The following OPCML variants were observed in gnomAD, a reference collection of about 807,000 sequenced individuals.
OPCML encodes the protein opioid binding protein/cell adhesion molecule like.
A neutral mutation model predicts 37.8 loss-of-function variants in OPCML; 13 were observed. That is an observed-to-expected ratio of 0.34 (90% CI 0.22 to 0.55). The LOEUF (loss-of-function observed/expected upper bound fraction) is 0.55. Among genes scored for constraint, OPCML ranks in the 20% least tolerant of loss-of-function variants. OPCML has a pLI of 0.91. For missense variants in OPCML, 341 were observed against 435.6 expected (o/e 0.78, Z 1.93); for synonymous variants, 176 against 168.8 (o/e 1.04, Z -0.33).
intron 2 of OPCML, among the ~76,000 whole-genome samples, chr11:132,826,895 T>A (rs1940380647): frequency 6.6e-6 from 1 of 152,198 alleles, no homozygotes. Flanking sequence ...AAGTAGCCTT[T>A]ACCAGGAGCC....
chr11:132,687,039 T>C (rs1412285626), intron 2 of OPCML, among the ~76,000 whole-genome samples: 1 of 151,884 alleles, frequency 6.6e-6, no homozygotes, highest in Non-Finnish European at 1.5e-5. Flanking sequence ...CACAATATTG[T>C]AGGGTCATTT....
chr11:133,075,759 G>A (rs1469148545), intron 1 of OPCML, among the ~76,000 whole-genome samples: 1 of 152,240 alleles, frequency 6.6e-6, no homozygotes, highest in Non-Finnish European at 1.5e-5. Flanking sequence ...AACTTGGGGA[G>A]CTGCACACAG....
rs117530636 is a variant in OPCML at position 133,094,125 on chromosome 11, G to A, written c.62-151115C>T. Among the ~76,000 whole-genome samples, 526 of 152,138 alleles carry A rather than the reference G, an allele frequency of 3.5e-3. 4 individuals are homozygous for A. The highest frequency in any genetic ancestry group is 8.1e-3 in the South Asian group (39 of 4,814). ...TATTTCAGTAAAAAAAAATATGCAG[G>A]TGCAGCTATAATTATGTACCTGTAC... On this transcript the variant is annotated intron_variant, in intron 1 of 7. Coordinates refer to ENST00000524381, the MANE Select transcript of OPCML (RefSeq NM_001012393.5).
At chr11:132,965,319 A>T (rs1946190271) in intron 1 of OPCML, among the ~76,000 whole-genome samples, 3 of 152,076 alleles carry the variant, frequency 2.0e-5, no homozygotes, top group Admixed American at 2.0e-4. Flanking sequence ...CAAATGTTTG[A>T]TAGAAATCAC....
intron 2 of OPCML, among the ~76,000 whole-genome samples, chr11:132,879,896 G>A (rs942540202): frequency 2.0e-5 from 3 of 152,110 alleles, no homozygotes; most frequent in Non-Finnish European, 4.4e-5. Context: ...ATGGTGACTT[G>A]GGCATTTGGG....
intron 3 of OPCML, among the ~76,000 whole-genome samples, chr11:132,536,312 AG>A (rs1164590037): frequency 6.6e-6 from 1 of 152,198 alleles, no homozygotes; most frequent in Non-Finnish European, 1.5e-5. Flanking sequence ...AGTTAGAAAA[AG>A]AAATCTTGGG....
At chr11:132,777,551 C>A (rs2136140453) in intron 2 of OPCML, among the ~76,000 whole-genome samples, 1 of 152,282 alleles carries the variant, frequency 6.6e-6, no homozygotes, top group South Asian at 2.1e-4. Flanking sequence ...ACGCTGCCTG[C>A]TGATTTTTAT....
At chr11:133,221,100 T>G (rs916504815) in intron 1 of OPCML, among the ~76,000 whole-genome samples, 2 of 152,222 alleles carry the variant, frequency 1.3e-5, no homozygotes, top group East Asian at 1.9e-4. Context: ...GCAGCTGCTC[T>G]CTCTTTATAT....
chr11:132,920,900 C>T (rs1944769858), intron 2 of OPCML, among the ~76,000 whole-genome samples: 1 of 152,152 alleles, frequency 6.6e-6, no homozygotes, highest in African/African-American at 2.4e-5. Flanking sequence ...GCTATCTCCT[C>T]CCCACACCTT....
At chr11:132,997,054 C>T (rs891640589) in intron 1 of OPCML, among the ~76,000 whole-genome samples, 11 of 152,110 alleles carry the variant, frequency 7.2e-5, no homozygotes, top group African/African-American at 2.7e-4. Flanking sequence ...CATTGCACAT[C>T]CTCCGACTGC....
intron 1 of OPCML, among the ~76,000 whole-genome samples, chr11:133,514,840 A>C (rs1948230759): frequency 6.6e-6 from 1 of 152,190 alleles, no homozygotes; most frequent in Non-Finnish European, 1.5e-5. Context: ...ATTGAAGTCT[A>C]CCCTAAGAAA....
intron 1 of OPCML, among the ~76,000 whole-genome samples, chr11:133,170,235 G>C (rs1159929831): frequency 1.4e-4 from 22 of 152,228 alleles, no homozygotes; most frequent in Non-Finnish European, 2.9e-4. Flanking sequence ...CCAGCACTTT[G>C]TGAGGCCGAG....
chr11:132,553,152 A>G (rs1294627769), intron 3 of OPCML, among the ~76,000 whole-genome samples: 1 of 152,164 alleles, frequency 6.6e-6, no homozygotes, highest in African/African-American at 2.4e-5. Context: ...CTTTACCCAA[A>G]TGACAGCCCT....
rs1939569938 is a variant in OPCML at position 133,215,985 on chromosome 11, G to T, written c.62-272975C>A. Among the ~76,000 whole-genome samples, 2 of 152,120 alleles carry T rather than the reference G, an allele frequency of 1.3e-5. 1 individual carries two copies. Among genetic ancestry groups the T allele is most frequent in the African/African-American group, 4.8e-5 (2 of 41,428 alleles). On this transcript the variant is annotated intron_variant, in intron 1 of 7. Coordinates refer to ENST00000524381, the MANE Select transcript of OPCML (RefSeq NM_001012393.5). ...AGGGCCTTGTAACTGATGAATAGAG[G>T]CCACCAGGAGGGGGTGGGAGGCAGG...
At chr11:132,792,847 T>C (rs1047297055) in intron 2 of OPCML, among the ~76,000 whole-genome samples, 7 of 152,200 alleles carry the variant, frequency 4.6e-5, no homozygotes, top group Non-Finnish European at 2.9e-5. Context: ...TTATTCATTA[T>C]TCGCCGGGCC....
chr11:132,443,734 T>A (rs1005829002), intron 4 of OPCML, among the ~76,000 whole-genome samples: 3 of 152,212 alleles, frequency 2.0e-5, no homozygotes, highest in Non-Finnish European at 2.9e-5. Flanking sequence ...AGGAAGGAGA[T>A]AAGGCTGTCT....
chr11:133,421,554 G>C, intron 1 of OPCML: 1 of 985,432 alleles, frequency 1.0e-6, no homozygotes, highest in Non-Finnish European at 1.2e-6. Flanking sequence ...AGTTGGGATT[G>C]TTGATTCAGC....
rs936095010 is a variant in OPCML, at chr11:132,417,015, C to T, written c.*3178G>A. On this transcript the variant is annotated 3_prime_UTR_variant, in exon 8 of 8. Coordinates refer to ENST00000524381, the MANE Select transcript of OPCML (RefSeq NM_001012393.5). Reference sequence around the variant, plus strand: ...TTTCAGAGTCCCTACATTGCTAATTCCTCTCACCTAATCTCCTAACAGGAC... The same window carrying T: ...TTTCAGAGTCCCTACATTGCTAATTTCTCTCACCTAATCTCCTAACAGGAC... 29 of 152,532 alleles carry T rather than the reference C, an allele frequency of 1.9e-4. No individual in the cohort carries two copies. Among genetic ancestry groups the T allele is most frequent in the African/African-American group, 5.8e-4 (24 of 41,418 alleles). The allele number at this position is 152,532 out of a possible 1,614,324, so 9.4% of individuals were successfully genotyped here. A position where few individuals can be genotyped will look rare whatever the true frequency, so the allele number is the denominator to read the frequency against.
At chr11:133,407,656 A>G (rs1004867285) in intron 1 of OPCML, among the ~76,000 whole-genome samples, 4 of 152,204 alleles carry the variant, frequency 2.6e-5, no homozygotes, top group Admixed American at 1.3e-4. Context: ...TGTTTCTGGA[A>G]GTCTCCTGCT....
Sources: gnomAD v4.1 joint callset for allele counts (sites outside exome capture counted in the v4.1 genomes callset) on GRCh38, gnomAD v4.1.1 for gene constraint, MANE v1.5 for transcripts, NCBI Gene and HGNC (gene_info 2026-07-23, HGNC 2026-07-21) for gene names.